PRKCB: variants seen among roughly 807,000 people sequenced by gnomAD.
The protein encoded by PRKCB is protein kinase C beta type.
A neutral mutation model predicts 81.5 loss-of-function variants in PRKCB; 13 were observed. That is an observed-to-expected ratio of 0.16 (90% CI 0.10 to 0.25). The LOEUF is 0.25. PRKCB is among the 10% of genes least tolerant of loss of function. PRKCB has a pLI of 1.00. For missense variants in PRKCB, 509 were observed against 875.7 expected, an observed-to-expected ratio of 0.58 and a Z score of 5.29; for synonymous variants, 335 against 321.4, an observed-to-expected ratio of 1.04 and a Z score of -0.45.
chr16:24,091,178 G>C (rs62027372), intron 5 of PRKCB, among the ~76,000 whole-genome samples: 1 of 152,150 alleles, frequency 6.6e-6, no homozygotes, highest in Non-Finnish European at 1.5e-5. Flanking sequence ...CCATGGTGCT[G>C]TTATTTCAGA....
intron 1 of PRKCB, 142 bp downstream of exon 1, chr16:23,836,490 C>T: frequency 1.5e-6 from 2 of 1,297,714 alleles, no homozygotes; most frequent in Non-Finnish European, 2.1e-6. Context: ...CCGGACCCTG[C>T]TGCCCGGGAC....
intron 9 of PRKCB, among the ~76,000 whole-genome samples, chr16:24,126,829 C>A (rs113761886): frequency 0.034 from 5,126 of 151,826 alleles, 278 homozygotes; most frequent in African/African-American, 0.12. Flanking sequence ...AGCCACCGCA[C>A]CTGACCTAAT....
At chr16:24,184,462 A>G (rs2141975190) in intron 13 of PRKCB, among the ~76,000 whole-genome samples, 1 of 152,112 alleles carries the variant, frequency 6.6e-6, no homozygotes, top group East Asian at 1.9e-4. Flanking sequence ...CTCAAAAAAA[A>G]AAGAAAAGAA....
intron 13 of PRKCB, among the ~76,000 whole-genome samples, chr16:24,182,630 T>C (rs1298102845): frequency 2.0e-5 from 3 of 152,196 alleles, no homozygotes; most frequent in Non-Finnish European, 4.4e-5. Context: ...CAAAGGAAAC[T>C]AGAGCCTGGG....
At chr16:24,156,639 G>A (rs1967164054) in intron 10 of PRKCB, among the ~76,000 whole-genome samples, 1 of 152,186 alleles carries the variant, frequency 6.6e-6, no homozygotes, top group South Asian at 2.1e-4. Flanking sequence ...AAAATATTAA[G>A]TGAATGATAA....
chr16:23,888,096 C>T (rs1963232391), intron 2 of PRKCB, among the ~76,000 whole-genome samples: 2 of 152,190 alleles, frequency 1.3e-5, no homozygotes, highest in African/African-American at 4.8e-5. Context: ...AAGTCCCCTT[C>T]TTTGTTTTCC....
intron 9 of PRKCB, among the ~76,000 whole-genome samples, chr16:24,146,609 A>G (rs117867546): frequency 0.01 from 1,530 of 152,300 alleles, 21 homozygotes; most frequent in Non-Finnish European, 0.015. Flanking sequence ...GATTCCAGGC[A>G]CGCTTTGCCA....
intron 9 of PRKCB, among the ~76,000 whole-genome samples, chr16:24,152,765 G>C (rs1419107820): frequency 6.6e-6 from 1 of 152,184 alleles, no homozygotes; most frequent in African/African-American, 2.4e-5. Flanking sequence ...TAAACTGAAG[G>C]TGCCCATCCT....
rs375540523 is a variant in PRKCB at position 24,086,505 on chromosome 16, T to C, written c.530-6286T>C. 4.0e-3 allele frequency among the ~76,000 whole-genome samples: 611 copies of C among 152,294 alleles called. 3 individuals carry two copies. The highest frequency in any genetic ancestry group is 0.028 in the South Asian group (137 of 4,828). On this transcript the variant is annotated intron_variant, in intron 5 of 16. Coordinates refer to ENST00000643927, the MANE Select transcript of PRKCB (RefSeq NM_002738.7). The stretch of plus-strand genomic sequence containing the variant: ...TCACCACGGAGCTCATTTTCTGGGT[T>C]CTATGATGCAAACCAAAAGTTTTTA...
At chr16:24,174,016 TG>T (rs986303441) in intron 11 of PRKCB, among the ~76,000 whole-genome samples, 1 of 150,768 alleles carries the variant, frequency 6.6e-6, no homozygotes, top group Non-Finnish European at 1.5e-5. Context: ...CTCTCTTTTT[TG>T]GGGGGGTGGG....
At chr16:24,172,088 GC>G (rs545641108) in intron 10 of PRKCB, 181 bp from the exon 11 acceptor site, 14 of 590,014 alleles carry the variant, frequency 2.4e-5, no homozygotes, top group Non-Finnish European at 4.3e-5. Context: ...TATCACCTAT[GC>G]TCACTTGCGT....
intron 2 of PRKCB, among the ~76,000 whole-genome samples, chr16:23,930,869 A>G (rs1963963739): frequency 6.7e-6 from 1 of 150,342 alleles, no homozygotes; most frequent in Non-Finnish European, 1.5e-5. Flanking sequence ...GTCAAGTGGT[A>G]AATGCTATTA....
At chr16:24,210,083 C>G (rs1968116434) in intron 16 of PRKCB, among the ~76,000 whole-genome samples, 1 of 152,090 alleles carries the variant, frequency 6.6e-6, no homozygotes, top group Non-Finnish European at 1.5e-5. Context: ...GCCTCTGACT[C>G]AAGCATGGGC....
intron 2 of PRKCB, among the ~76,000 whole-genome samples, chr16:23,895,137 TG>T (rs575677105): frequency 9.2e-5 from 14 of 152,316 alleles, no homozygotes; most frequent in South Asian, 6.2e-4. Flanking sequence ...AAATGTGTTA[TG>T]TTTTTTTAAG....
chr16:23,911,143 T>TTTTTTTTTTTTTTTG (rs1963647495), intron 2 of PRKCB, among the ~76,000 whole-genome samples: 1 of 120,778 alleles, frequency 8.3e-6, no homozygotes, highest in Non-Finnish European at 1.7e-5. Context: ...TTTTTTTTTT[T>TTTTTTTTTTTTTTTG]TTTTTTTTTT....
intron 3 of PRKCB, among the ~76,000 whole-genome samples, chr16:23,999,936 G>A (rs1328082852): frequency 2.7e-4 from 41 of 152,222 alleles, no homozygotes; most frequent in Admixed American, 2.6e-3. Flanking sequence ...GCAGGTTGTC[G>A]GCCTGTGTGA....
At chr16:23,961,579 C>T (rs1964427181) in intron 2 of PRKCB, among the ~76,000 whole-genome samples, 2 of 152,226 alleles carry the variant, frequency 1.3e-5, no homozygotes, top group Admixed American at 1.3e-4. Flanking sequence ...GTTTCATTCT[C>T]ATTGGCCTGT....
intron 2 of PRKCB, among the ~76,000 whole-genome samples, chr16:23,846,784 G>C (rs1169520685): frequency 6.6e-6 from 1 of 152,016 alleles, no homozygotes; most frequent in Non-Finnish European, 1.5e-5. Flanking sequence ...GTCTTTCCTG[G>C]AAATTTTTGG....
intron 5 of PRKCB, among the ~76,000 whole-genome samples, chr16:24,092,434 G>C (rs78437350): frequency 8.9e-4 from 136 of 152,354 alleles, no homozygotes; most frequent in East Asian, 2.1e-3. Context: ...GCAAAAAAAT[G>C]AAGTGCTGAT....
Sources: gnomAD v4.1 joint callset for allele counts (sites outside exome capture counted in the v4.1 genomes callset) on GRCh38, gnomAD v4.1.1 for gene constraint, MANE v1.5 for transcripts, NCBI Gene and HGNC (gene_info 2026-07-23, HGNC 2026-07-21) for gene names.